Variants in ARL8B observed in about 807,000 individuals in gnomAD.
The protein encoded by ARL8B is ADP-ribosylation factor-like protein 8B.
ARL8B carries 9 observed loss-of-function variants against 30.6 expected under a neutral mutation model. That is an observed-to-expected ratio of 0.29 (90% CI 0.18 to 0.51). The LOEUF is 0.51. ARL8B is among the 20% of genes least tolerant of loss of function. The pLI is 0.97. For synonymous variants in ARL8B, 74 were observed against 76.0 expected (o/e 0.97, Z 0.14); for missense variants, 130 against 227.2 (o/e 0.57, Z 2.75).
intron 1 of ARL8B, among the ~76,000 whole-genome samples, chr3:5,133,517 C>T (rs1003284125): frequency 2.6e-5 from 4 of 152,054 alleles, no homozygotes; most frequent in Non-Finnish European, 4.4e-5. Flanking sequence ...TTGCAAAGAC[C>T]CTTTTAAAGA....
chr3:5,174,469 A>T (rs1340308784), intron 6 of ARL8B, 55 bp downstream of exon 6: 2 of 1,151,972 alleles, frequency 1.7e-6, no homozygotes, highest in East Asian at 2.4e-5. Flanking sequence ...AGGAATGTCT[A>T]TGCTTCTTAC....
At chr3:5,126,448 T>TA (rs2054230516) in intron 1 of ARL8B, among the ~76,000 whole-genome samples, 1 of 152,222 alleles carries the variant, frequency 6.6e-6, no homozygotes, top group African/African-American at 2.4e-5. Flanking sequence ...TTTCTTTTTG[T>TA]AAAAATCAAC....
chr3:5,129,267 C>T (rs1328987628), intron 1 of ARL8B, among the ~76,000 whole-genome samples: 3 of 151,862 alleles, frequency 2.0e-5, no homozygotes, highest in Non-Finnish European at 4.4e-5. Context: ...CTCCACCTCT[C>T]GGGTTCAAGC....
intron 1 of ARL8B, among the ~76,000 whole-genome samples, chr3:5,158,952 A>C (rs961201265): frequency 6.6e-6 from 1 of 152,064 alleles, no homozygotes; most frequent in Non-Finnish European, 1.5e-5. Flanking sequence ...TAAGGGATTT[A>C]TTTGTTTTTC....
At chr3:5,150,463 A>AAAATAAATAAAT (rs4054853) in intron 1 of ARL8B, among the ~76,000 whole-genome samples, 43,760 of 145,342 alleles carry the variant, frequency 0.3, 7,658 homozygotes, top group African/African-American at 0.48. Flanking sequence ...AATCCATGTC[A>AAAATAAATAAAT]AAATAAATAA....
chr3:5,129,109 CAT>C (rs1205066200), intron 1 of ARL8B, among the ~76,000 whole-genome samples: 1 of 152,184 alleles, frequency 6.6e-6, no homozygotes, highest in Non-Finnish European at 1.5e-5. Flanking sequence ...CATTTTATGT[CAT>C]ATGGCCAAAT....
In ARL8B at chr3:5,122,301, G is replaced by T. The variant is rs561128886; in HGVS notation, c.-165G>T. 25 of 1,504,868 alleles carry T rather than the reference G, an allele frequency of 1.7e-5. No homozygotes were observed. The highest frequency in any genetic ancestry group is 9.7e-5 in the African/African-American group (7 of 71,968). 93.2% of individuals were successfully genotyped at this position (1,504,868 alleles called of 1,614,324 possible). ...GGGGGTAGGGCGAGTCATATGATCC[G>T]CTCGGCTTCCTGGGTCTGGCTGCTG... On this transcript the variant is annotated 5_prime_UTR_variant, in exon 1 of 7. Coordinates refer to ENST00000256496, the MANE Select transcript of ARL8B (RefSeq NM_018184.3).
chr3:5,130,842 A>AT (rs371267569), intron 1 of ARL8B, among the ~76,000 whole-genome samples: 21 of 152,330 alleles, frequency 1.4e-4, no homozygotes, highest in African/African-American at 4.8e-4. Context: ...TTACTTCAGT[A>AT]TGCAAAATGT....
At chr3:5,143,505 C>G (rs147166967) in intron 1 of ARL8B, among the ~76,000 whole-genome samples, 1 of 152,198 alleles carries the variant, frequency 6.6e-6, no homozygotes, top group Non-Finnish European at 1.5e-5. Flanking sequence ...GAGGTCCTCC[C>G]GTAGCACAGG....
At chr3:5,175,319 T>C (rs187979058) in intron 6 of ARL8B, among the ~76,000 whole-genome samples, 2 of 152,352 alleles carry the variant, frequency 1.3e-5, no homozygotes, top group Admixed American at 6.5e-5. Context: ...TTCTTTGTGC[T>C]ATTTAAAGAA....
intron 1 of ARL8B, among the ~76,000 whole-genome samples, chr3:5,133,765 CAAAAAATA>C (rs970646095): frequency 8.6e-5 from 13 of 151,766 alleles, no homozygotes; most frequent in Admixed American, 3.9e-4. Flanking sequence ...CTGGTCTCTA[CAAAAAATA>C]AAAAAATAAA....
At chr3:5,122,668 GC>G (rs933564815) in intron 1 of ARL8B, 80 bp downstream of exon 1, 6 of 1,471,420 alleles carry the variant, frequency 4.1e-6, no homozygotes, top group Non-Finnish European at 4.6e-6. Flanking sequence ...CTGAGTTGGG[GC>G]CCCCCTCGGC....
chr3:5,163,681 C>T (rs1057046606), intron 1 of ARL8B, among the ~76,000 whole-genome samples: 1 of 152,092 alleles, frequency 6.6e-6, no homozygotes, highest in Non-Finnish European at 1.5e-5. Context: ...ACCAGCCTGG[C>T]CAACATGGCG....
intron 1 of ARL8B, among the ~76,000 whole-genome samples, chr3:5,141,820 C>CT (rs2054375987): frequency 6.6e-6 from 1 of 152,262 alleles, no homozygotes; most frequent in East Asian, 1.9e-4. Context: ...ATCTAACTGG[C>CT]TAGCCATCCC....
chr3:5,174,429 G>C lies in ARL8B; in HGVS notation c.511+15G>C. On this transcript the variant is annotated intron_variant, in intron 6 of 6. Transcript: ENST00000256496. ...GGATAATATAGGTAAGAAATGACTG[G>C]TAATTTTGGAAGAAATGGGTATCAT... 6.5e-7 allele frequency: 1 copy of C among 1,543,190 alleles called. No individual in the cohort carries two copies. The highest frequency in any genetic ancestry group is 9.0e-7 in the Non-Finnish European group (1 of 1,117,272).
chr3:5,171,286 C>T (rs1315010982), intron 2 of ARL8B, among the ~76,000 whole-genome samples: 1 of 152,060 alleles, frequency 6.6e-6, no homozygotes, highest in African/African-American at 2.4e-5. Flanking sequence ...GTGTGATGCC[C>T]TACGGAGTAG....
intron 1 of ARL8B, 25 bp downstream of exon 1, chr3:5,122,613 C>T: frequency 6.3e-7 from 1 of 1,582,700 alleles, no homozygotes; most frequent in East Asian, 2.3e-5. Context: ...ACTCACTCGC[C>T]CGGGGCTCCG....
At chr3:5,130,548 C>T (rs571246885) in intron 1 of ARL8B, among the ~76,000 whole-genome samples, 269 of 147,130 alleles carry the variant, frequency 1.8e-3, no homozygotes, top group African/African-American at 5.8e-3. Context: ...TTTTTTTTGG[C>T]GGGGGGATGG....
chr3:5,155,125 A>C (rs562890351), intron 1 of ARL8B, among the ~76,000 whole-genome samples: 12 of 152,210 alleles, frequency 7.9e-5, no homozygotes, highest in African/African-American at 2.9e-4. Flanking sequence ...GCTTTTGTTT[A>C]TCTGGGAATG....
Sources: allele counts gnomAD v4.1 joint callset (sites outside exome capture counted in the v4.1 genomes callset), GRCh38; gene constraint gnomAD v4.1.1; transcripts MANE v1.5; gene names NCBI Gene and HGNC (gene_info 2026-07-23, HGNC 2026-07-21).